TTC27: variants seen among roughly 807,000 people sequenced by gnomAD.
TTC27 encodes the protein tetratricopeptide repeat protein 27.
TTC27 carries 79 observed loss-of-function variants against 115.9 expected under a neutral mutation model. The observed-to-expected ratio is 0.68, with a 90% CI of 0.57 to 0.82. The LOEUF (loss-of-function observed/expected upper bound fraction) is 0.82. TTC27 is among the 40% of genes least tolerant of loss of function. The pLI is 0.00. For missense variants in TTC27, 1,054 were observed against 993.1 expected, an observed-to-expected ratio of 1.06 and a Z score of -0.82; for synonymous variants, 401 against 356.0, an observed-to-expected ratio of 1.13 and a Z score of -1.42.
At chr2:32,807,595 A>T (rs937867770) in intron 16 of TTC27, among the ~76,000 whole-genome samples, 1 of 152,228 alleles carries the variant, frequency 6.6e-6, no homozygotes, top group East Asian at 1.9e-4. Context: ...TGCAAAGGAT[A>T]TTGAAAATTA....
chr2:32,751,758 G>T (rs529246426), intron 12 of TTC27, among the ~76,000 whole-genome samples: 3 of 152,246 alleles, frequency 2.0e-5, no homozygotes, highest in Admixed American at 2.0e-4. Flanking sequence ...ATATATCCTT[G>T]TTATGTTATT....
chr2:32,753,564 C>T lies in TTC27; in HGVS notation c.1453-4728C>T, dbSNP rs139581892. Among the ~76,000 whole-genome samples, 241 of 151,670 alleles carry T rather than the reference C, an allele frequency of 1.6e-3. 7 individuals carry two copies. The East Asian group carries it at 0.045, about 28-fold the overall frequency. On this transcript the variant is annotated intron_variant, in intron 12 of 19. Transcript: ENST00000317907. ...TCCCAGGCTCAAGTGATTCTCCTGC[C>T]TCAGCCTCCTGAGTAGCTGGGATTA...
At chr2:32,781,371 T>C (rs1670172359) in intron 14 of TTC27, among the ~76,000 whole-genome samples, 1 of 152,224 alleles carries the variant, frequency 6.6e-6, no homozygotes, top group Non-Finnish European at 1.5e-5. Flanking sequence ...TCTTATTAAC[T>C]GATATTTTTT....
intron 12 of TTC27, 44 bp downstream of exon 12, chr2:32,736,860 C>CTGGCTCTCTCACTTGTTTTGGGA (rs772492134): frequency 6.3e-7 from 1 of 1,596,050 alleles, no homozygotes; most frequent in African/African-American, 1.3e-5. Flanking sequence ...AGCCTTCCCT[C>CTGGCTCTCTCACTTGTTTTGGGA]TGGGAGCATC....
chr2:32,802,996 G>T (rs1671005007), intron 16 of TTC27, among the ~76,000 whole-genome samples: 1 of 152,134 alleles, frequency 6.6e-6, no homozygotes, highest in Non-Finnish European at 1.5e-5. Flanking sequence ...TTTCCCTGGG[G>T]TATTGTCTGT....
chr2:32,633,663 C>CAA, intron 2 of TTC27, among the ~76,000 whole-genome samples: 1 of 152,240 alleles, frequency 6.6e-6, no homozygotes, highest in South Asian at 2.1e-4. Flanking sequence ...CGTGGCCTTC[C>CAA]AAAGTGCTGG....
chr2:32,634,133 AATG>A (rs760625546), intron 3 of TTC27, 128 bp downstream of exon 3: 19 of 1,100,404 alleles, frequency 1.7e-5, no homozygotes, highest in Non-Finnish European at 2.1e-5. Flanking sequence ...AAGTACTAAG[AATG>A]CTTGTTCATT....
At chr2:32,678,767 T>C in intron 8 of TTC27, 89 bp from the exon 9 acceptor site, 1 of 894,334 alleles carries the variant, frequency 1.1e-6, no homozygotes, top group South Asian at 1.6e-5. Context: ...ATATAAAATA[T>C]AGCAGTTTAC....
At position 32,692,036 on chromosome 2, in the gene TTC27, G is replaced by GTTTTTTTTTTT. The variant is rs779547700; in HGVS notation, c.1120-10755_1120-10745dup. On this transcript the variant is annotated intron_variant, in intron 9 of 19. Transcript: ENST00000317907. The stretch of plus-strand genomic sequence containing the variant: ...GGGATATTCTTTTTTAATTTTTTAG[G>GTTTTTTTTTTT]TTTTTTTTTTTTTTTTTTTTTTTTT... Among the ~76,000 whole-genome samples, 210 of 61,208 alleles carry GTTTTTTTTTTT rather than the reference G, an allele frequency of 3.4e-3. 30 individuals carry two copies. Among genetic ancestry groups the GTTTTTTTTTTT allele is most frequent in the African/African-American group, 9.0e-3 (148 of 16,392 alleles). The allele number at this position is 61,208 out of a possible 152,430, so 40.2% of individuals were successfully genotyped here.
At chr2:32,734,856 A>G (rs563495624) in intron 11 of TTC27, among the ~76,000 whole-genome samples, 84 of 152,318 alleles carry the variant, frequency 5.5e-4, no homozygotes, top group African/African-American at 2.0e-3. Context: ...ACTTAATATG[A>G]TGCATATATT....
chr2:32,650,353 C>CTT (rs368973893), intron 5 of TTC27, 120 bp downstream of exon 5: 213 of 212,376 alleles, frequency 1.0e-3, no homozygotes, highest in South Asian at 1.6e-3. Context: ...TGAGTTGTTT[C>CTT]TTTTTTTTTT....
chr2:32,774,349 A>G (rs745510979), intron 13 of TTC27, among the ~76,000 whole-genome samples: 23 of 151,842 alleles, frequency 1.5e-4, no homozygotes, highest in Non-Finnish European at 2.8e-4. Flanking sequence ...TTTCTTTTGT[A>G]TCTTTAGTAG....
chr2:32,815,712 G>C (rs187880392), intron 18 of TTC27, among the ~76,000 whole-genome samples: 3 of 152,208 alleles, frequency 2.0e-5, no homozygotes, highest in South Asian at 2.1e-4. Flanking sequence ...AAACTGCTGG[G>C]TACTAAACAG....
intron 16 of TTC27, among the ~76,000 whole-genome samples, chr2:32,809,304 T>C (rs1671238664): frequency 6.6e-6 from 1 of 152,222 alleles, no homozygotes; most frequent in Admixed American, 6.5e-5. Context: ...CAATTATTTA[T>C]TGAGTCAGTG....
intron 12 of TTC27, among the ~76,000 whole-genome samples, chr2:32,740,790 G>T (rs1347483614): frequency 6.6e-6 from 1 of 152,162 alleles, no homozygotes; most frequent in African/African-American, 2.4e-5. Context: ...GAGTAGCTGG[G>T]ATTACAGGCG....
At chr2:32,642,060 T>C (rs1025722839) in intron 4 of TTC27, among the ~76,000 whole-genome samples, 4 of 151,900 alleles carry the variant, frequency 2.6e-5, no homozygotes, top group Non-Finnish European at 4.4e-5. Context: ...TTTCTCCACA[T>C]TGGTCAGGCT....
At chr2:32,759,642 A>C (rs1338573927) in intron 13 of TTC27, among the ~76,000 whole-genome samples, 1 of 152,216 alleles carries the variant, frequency 6.6e-6, no homozygotes, top group African/African-American at 2.4e-5. Flanking sequence ...TGTTAGGTAC[A>C]TTCCCATTGT....
intron 12 of TTC27, among the ~76,000 whole-genome samples, chr2:32,756,115 C>T (rs1281325107): frequency 6.6e-6 from 1 of 152,212 alleles, no homozygotes; most frequent in African/African-American, 2.4e-5. Flanking sequence ...CATTTCTATA[C>T]CCAATTACTA....
rs548805583 is a variant in TTC27, at chr2:32,662,974, C to G, written c.641-1329C>G. Among the ~76,000 whole-genome samples the G allele has an allele frequency of 5.4e-3, 819 of 152,230 alleles. 7 individuals carry two copies. Among genetic ancestry groups the G allele is most frequent in the Non-Finnish European group, 9.2e-3 (626 of 68,004 alleles). ...TGTGTCCAGAGATTCTTTGTTTACA[C>G]TGTGTGGGGAAAACCACCTACTGAA... On this transcript the variant is annotated intron_variant, in intron 5 of 19. Coordinates refer to ENST00000317907, the MANE Select transcript of TTC27 (RefSeq NM_017735.5).
Sources: gnomAD v4.1 joint callset for allele counts (sites outside exome capture counted in the v4.1 genomes callset) on GRCh38, gnomAD v4.1.1 for gene constraint, MANE v1.5 for transcripts, NCBI Gene and HGNC (gene_info 2026-07-23, HGNC 2026-07-21) for gene names.